Variants in TTC29 observed in about 807,000 individuals in gnomAD.
TTC29 encodes tetratricopeptide repeat protein 29.
In TTC29, 49 loss-of-function variants were observed where a neutral mutation model predicts 58.1. The ratio of observed to expected loss-of-function variants is 0.84; its 90% CI spans 0.67 to 1.07. TTC29 has a LOEUF of 1.07. TTC29 is among the 50% of genes least tolerant of loss of function. The pLI is 0.00. For synonymous variants in TTC29, 209 were observed against 196.8 expected (o/e 1.06, Z -0.52); for missense variants, 582 against 555.6 (o/e 1.05, Z -0.48).
At chr4:146,831,102 T>C (rs2150154369) in intron 9 of TTC29, among the ~76,000 whole-genome samples, 1 of 152,318 alleles carries the variant, frequency 6.6e-6, no homozygotes, top group East Asian at 1.9e-4. Context: ...ATTGGAAAGC[T>C]GGTTGTAGCC....
chr4:146,804,333 CAGG>C (rs945450333), intron 10 of TTC29, among the ~76,000 whole-genome samples: 8 of 152,104 alleles, frequency 5.3e-5, no homozygotes, highest in African/African-American at 1.9e-4. Flanking sequence ...GAGCTAGCTG[CAGG>C]AGTTTTTTTT....
intron 4 of TTC29, among the ~76,000 whole-genome samples, chr4:146,932,411 C>A (rs1471328574): frequency 6.6e-6 from 1 of 151,994 alleles, no homozygotes; most frequent in African/African-American, 2.4e-5. Context: ...TTAAGAGAAA[C>A]CAAAATGATT....
At chr4:146,838,596 G>T (rs1277831383) in intron 8 of TTC29, among the ~76,000 whole-genome samples, 1 of 151,912 alleles carries the variant, frequency 6.6e-6, no homozygotes, top group Non-Finnish European at 1.5e-5. Context: ...CTATGCTTAG[G>T]ACTACCAGTT....
chr4:146,920,256 A>G (rs1307326531), intron 4 of TTC29, among the ~76,000 whole-genome samples: 1 of 151,090 alleles, frequency 6.6e-6, no homozygotes, highest in Non-Finnish European at 1.5e-5. Context: ...AAACAACTAC[A>G]TGAGGAGCTT....
chr4:146,862,324 T>C (rs1338226095), intron 8 of TTC29, among the ~76,000 whole-genome samples: 2 of 151,554 alleles, frequency 1.3e-5, no homozygotes, highest in South Asian at 2.1e-4. Context: ...CTGCTATAGA[T>C]TTCTAATAGA....
chr4:146,732,777 A>G (rs186747782), intron 11 of TTC29, among the ~76,000 whole-genome samples: 5 of 152,322 alleles, frequency 3.3e-5, no homozygotes, highest in African/African-American at 7.2e-5. Flanking sequence ...AATAAGGAAG[A>G]CAGTGAGGCA....
chr4:146,886,035 T>C (rs921167691), intron 6 of TTC29, among the ~76,000 whole-genome samples: 4 of 152,156 alleles, frequency 2.6e-5, no homozygotes, highest in African/African-American at 9.6e-5. Flanking sequence ...AATTGATGGA[T>C]ACATTAAAAG....
intron 6 of TTC29, among the ~76,000 whole-genome samples, chr4:146,877,561 T>C (rs950824410): frequency 5.9e-5 from 9 of 152,198 alleles, no homozygotes; most frequent in Admixed American, 5.9e-4. Context: ...GACCCTCATT[T>C]TTTAAAACTA....
chr4:146,941,834 G>T (rs896936592), intron 2 of TTC29, among the ~76,000 whole-genome samples: 3 of 152,178 alleles, frequency 2.0e-5, no homozygotes, highest in Admixed American at 2.0e-4. Context: ...AGGGTAGACA[G>T]CAGAGAGGCC....
At chr4:146,922,193 T>G (rs1252538428) in intron 4 of TTC29, among the ~76,000 whole-genome samples, 1 of 151,156 alleles carries the variant, frequency 6.6e-6, no homozygotes, top group East Asian at 1.9e-4. Flanking sequence ...TAGATTTAAG[T>G]GCATTTTCTA....
At chr4:146,748,992 A>G (rs902904642) in intron 11 of TTC29, among the ~76,000 whole-genome samples, 5 of 152,190 alleles carry the variant, frequency 3.3e-5, no homozygotes, top group Admixed American at 3.3e-4. Context: ...AAATCAAAAA[A>G]ATAATTTATT....
At chr4:146,894,734 T>C (rs558755564) in intron 6 of TTC29, among the ~76,000 whole-genome samples, 2 of 152,232 alleles carry the variant, frequency 1.3e-5, no homozygotes, top group East Asian at 1.9e-4. Context: ...TCTCAGGTAG[T>C]TCCTTATAGC....
At chr4:146,899,325 C>T (rs984696) in intron 6 of TTC29, among the ~76,000 whole-genome samples, 43,095 of 152,080 alleles carry the variant, frequency 0.28, 6,670 homozygotes, top group South Asian at 0.41. Flanking sequence ...TGAATGGGAA[C>T]GTCTATTGAT....
chr4:146,820,440 T>G (rs1446242233), intron 9 of TTC29, among the ~76,000 whole-genome samples, 192 bp from the exon 10 acceptor site: 2 of 152,184 alleles, frequency 1.3e-5, no homozygotes, highest in East Asian at 3.9e-4. Context: ...AACTTAAACT[T>G]TTAAATCCTC....
At chr4:146,729,146 C>T (rs560163088) in intron 11 of TTC29, among the ~76,000 whole-genome samples, 29 of 152,002 alleles carry the variant, frequency 1.9e-4, no homozygotes, top group African/African-American at 6.3e-4. Context: ...CCTTGGAGGC[C>T]GTATCTCTTC....
At chr4:146,908,195 C>CA (rs1733653031) in intron 5 of TTC29, among the ~76,000 whole-genome samples, 1 of 152,056 alleles carries the variant, frequency 6.6e-6, no homozygotes, top group African/African-American at 2.4e-5. Flanking sequence ...TAGACATTGT[C>CA]ATGTTGAGGC....
At chr4:146,753,225 T>A (rs1746158050) in intron 11 of TTC29, among the ~76,000 whole-genome samples, 1 of 151,784 alleles carries the variant, frequency 6.6e-6, no homozygotes, top group African/African-American at 2.4e-5. Context: ...AACAACCCCA[T>A]CAAAAAGTGG....
rs532133655 is a variant in TTC29, at chr4:146,737,715, A to G, written c.1331-30164T>C. On this transcript the variant is annotated intron_variant, in intron 11 of 12. Coordinates refer to ENST00000325106, the MANE Select transcript of TTC29 (RefSeq NM_031956.4). ...TTGAAAAAACCCCAGAAGATATTGCATGGGTTTGGATGGCCATCGTTTCTT... is the reference window on the plus strand; with the variant it reads ...TTGAAAAAACCCCAGAAGATATTGCGTGGGTTTGGATGGCCATCGTTTCTT... 2.6e-4 allele frequency among the ~76,000 whole-genome samples: 40 copies of G among 152,162 alleles called. 1 individual carries two copies. The South Asian group carries it at 5.2e-3, about 20-fold the overall frequency.
chr4:146,867,251 A>G (rs899861798), intron 8 of TTC29, among the ~76,000 whole-genome samples: 4 of 152,080 alleles, frequency 2.6e-5, no homozygotes, highest in Admixed American at 2.6e-4. Flanking sequence ...TACTCTATTT[A>G]TTTAATTTTC....
Sources: allele counts gnomAD v4.1 joint callset (sites outside exome capture counted in the v4.1 genomes callset), GRCh38; gene constraint gnomAD v4.1.1; transcripts MANE v1.5; gene names NCBI Gene and HGNC (gene_info 2026-07-23, HGNC 2026-07-21).